CLEC20A: variants seen among roughly 807,000 people sequenced by gnomAD.
CLEC20A encodes putative C-type lectin domain family 20 member A.
In CLEC20A at chr1:178,491,822, G is replaced by A. The variant is rs111713701; in HGVS notation, c.463+679C>T. ...CAGAGGGGACTATTTCAGAGAAGCC[G>A]CCCCACCCCTAGATGGATGAGCAGG... On this transcript the variant is annotated intron_variant, in intron 3 of 7. Transcript: ENST00000623247. 4.6e-3 allele frequency among the ~76,000 whole-genome samples: 703 copies of A among 152,230 alleles called. 4 individuals are homozygous for A. The highest frequency in any genetic ancestry group is 0.014 in the African/African-American group (583 of 41,526).
exon 4 of CLEC20A, chr1:178,490,399 C>A: frequency 2.5e-6 from 1 of 398,654 alleles, no homozygotes; most frequent in South Asian, 1.3e-4. Flanking sequence ...ATCACTTGGT[C>A]AAATCGCATG....
At chr1:178,487,152 G>A (rs1352499024) in intron 5 of CLEC20A, among the ~76,000 whole-genome samples, 1 of 152,212 alleles carries the variant, frequency 6.6e-6, no homozygotes, top group Non-Finnish European at 1.5e-5. Flanking sequence ...TGGCTCCCCG[G>A]GCCTGTGCCT....
intron 7 of CLEC20A, chr1:178,480,945 A>G (rs1648957047): frequency 6.6e-6 from 1 of 152,130 alleles, no homozygotes; most frequent in South Asian, 2.1e-4. Flanking sequence ...CCCACCCAAA[A>G]AAAAAGAAAA....
exon 8 of CLEC20A, chr1:178,479,286 G>T (rs962026947): frequency 3.3e-6 from 1 of 302,962 alleles, no homozygotes. Context: ...CTTAATAGAA[G>T]TTCATTTGTC....
chr1:178,491,197 C>T (rs777862340), intron 3 of CLEC20A, among the ~76,000 whole-genome samples: 1 of 152,194 alleles, frequency 6.6e-6, no homozygotes, highest in Non-Finnish European at 1.5e-5. Flanking sequence ...CTGCCCATCG[C>T]CGGTGCAGCT....
chr1:178,497,456 G>T (rs189633448), upstream of CLEC20A, among the ~76,000 whole-genome samples: 2 of 152,300 alleles, frequency 1.3e-5, no homozygotes, highest in East Asian at 3.9e-4. Flanking sequence ...TCCAGAGAGG[G>T]CCCTGCTCCA....
chr1:178,486,092 T>C (rs1037142653), intron 5 of CLEC20A, among the ~76,000 whole-genome samples: 1 of 152,212 alleles, frequency 6.6e-6, no homozygotes, highest in Non-Finnish European at 1.5e-5. Context: ...TTCCAACTCT[T>C]GACTGTCAGA....
intron 5 of CLEC20A, chr1:178,483,833 T>C (rs1369191365): frequency 1.3e-5 from 2 of 152,308 alleles, no homozygotes; most frequent in African/African-American, 4.8e-5. Context: ...ACCAAAGTCC[T>C]GTCAGTGCCT....
chr1:178,497,126 G>A (rs965221251), upstream of CLEC20A: 85 of 395,840 alleles, frequency 2.1e-4, no homozygotes, highest in South Asian at 7.1e-4. Context: ...AGTGTCTGTC[G>A]CTGCCAGCAG....
intron 5 of CLEC20A, among the ~76,000 whole-genome samples, chr1:178,486,216 A>G (rs1558028144): frequency 6.6e-6 from 1 of 152,182 alleles, no homozygotes; most frequent in Admixed American, 6.5e-5. Context: ...CTCTGGCCAG[A>G]CAGGACCCCT....
intron 5 of CLEC20A, chr1:178,486,377 A>G: frequency 2.5e-6 from 1 of 398,514 alleles, no homozygotes. Flanking sequence ...GAACTCCCCA[A>G]GATGCTTGGG....
intron 5 of CLEC20A, among the ~76,000 whole-genome samples, chr1:178,485,147 G>T (rs1189524573): frequency 6.6e-6 from 1 of 152,126 alleles, no homozygotes; most frequent in African/African-American, 2.4e-5. Flanking sequence ...TTTCAGCCTT[G>T]TTGTGACTGT....
At chr1:178,496,868 C>T (rs1037564951) in intron 1 of CLEC20A, 32 bp downstream of exon 1, 1 of 398,458 alleles carries the variant, frequency 2.5e-6, no homozygotes, top group Middle Eastern at 6.2e-4. Flanking sequence ...AGCATGGAGC[C>T]AGGCACCCTC....
intron 7 of CLEC20A, 32 bp downstream of exon 7, chr1:178,482,280 A>C: frequency 5.0e-6 from 2 of 398,534 alleles, no homozygotes; most frequent in Non-Finnish European, 8.8e-6. Flanking sequence ...CAATCATCTG[A>C]TCAGAATTAG....
intron 5 of CLEC20A, chr1:178,484,081 G>T (rs776055610): frequency 6.6e-6 from 1 of 152,090 alleles, no homozygotes; most frequent in African/African-American, 2.4e-5. Context: ...TTATTTAACC[G>T]ATCTGCTTTC....
At chr1:178,484,953 C>T (rs1214971374) in intron 5 of CLEC20A, among the ~76,000 whole-genome samples, 2 of 151,890 alleles carry the variant, frequency 1.3e-5, no homozygotes, top group Admixed American at 6.6e-5. Context: ...TGATTGGCCA[C>T]CCCTTCAAAG....
At chr1:178,491,201 T>G (rs1176662057) in intron 3 of CLEC20A, among the ~76,000 whole-genome samples, 1 of 152,146 alleles carries the variant, frequency 6.6e-6, no homozygotes, top group Non-Finnish European at 1.5e-5. Flanking sequence ...CCATCGCCGG[T>G]GCAGCTCATA....
chr1:178,489,946 C>T (rs569018092), intron 4 of CLEC20A, 126 bp downstream of exon 4: 2 of 397,508 alleles, frequency 5.0e-6, no homozygotes, highest in African/African-American at 4.1e-5. Context: ...AACTCAGTTA[C>T]CCCTCAGAGT....
chr1:178,487,103 C>G (rs1367182132), intron 5 of CLEC20A, among the ~76,000 whole-genome samples: 2 of 152,192 alleles, frequency 1.3e-5, no homozygotes, highest in Non-Finnish European at 2.9e-5. Flanking sequence ...CCCGGGACCC[C>G]TCCCAAAGCC....
Sources: allele counts gnomAD v4.1 joint callset (sites outside exome capture counted in the v4.1 genomes callset), GRCh38; gene constraint gnomAD v4.1.1; transcripts MANE v1.5; gene names NCBI Gene and HGNC (gene_info 2026-07-23, HGNC 2026-07-21).